MAPRE2: variants seen among roughly 807,000 people sequenced by gnomAD.
MAPRE2 encodes microtubule-associated protein RP/EB family member 2.
In MAPRE2, 13 loss-of-function variants were observed where a neutral mutation model predicts 43.2. The ratio of observed to expected loss-of-function variants is 0.30; its 90% CI spans 0.20 to 0.48. The LOEUF is 0.48. Ranked by LOEUF, MAPRE2 falls within the 20% of genes least tolerant of loss-of-function variation. The pLI is 0.99. For missense variants in MAPRE2, 161 were observed against 400.2 expected, an observed-to-expected ratio of 0.40 and a Z score of 5.10; for synonymous variants, 135 against 148.8, an observed-to-expected ratio of 0.91 and a Z score of 0.68.
chr18:35,126,454 T>C (rs552405679), intron 4 of MAPRE2, among the ~76,000 whole-genome samples: 1 of 152,338 alleles, frequency 6.6e-6, no homozygotes, highest in East Asian at 1.9e-4. Context: ...GCCACTGCTA[T>C]GGAGATGTCA....
chr18:35,097,621 T>C (rs771441093), intron 3 of MAPRE2, 30 bp downstream of exon 3: 1 of 1,583,848 alleles, frequency 6.3e-7, no homozygotes, highest in Admixed American at 1.8e-5. Flanking sequence ...ATAAAATGTG[T>C]TGTTTTTTCT....
At chr18:35,030,488 C>T (rs946034623) in intron 2 of MAPRE2, among the ~76,000 whole-genome samples, 3 of 152,206 alleles carry the variant, frequency 2.0e-5, no homozygotes, top group African/African-American at 7.2e-5. Context: ...TCTGCCACTT[C>T]CTGTCTGGTT....
In MAPRE2 at chr18:34,990,025, A is replaced by G. The variant is rs115382484; in HGVS notation, c.-70+12946A>G. 9.0e-3 allele frequency among the ~76,000 whole-genome samples: 1,374 copies of G among 152,228 alleles called. 26 individuals carry two copies. Among genetic ancestry groups the G allele is most frequent in the African/African-American group, 0.031 (1,306 of 41,510 alleles). ...TGAAGATTGCAATAAACTTTCATTC[A>G]TTTCCACATCCCCAGATTCTAGCAC... On this transcript the variant is annotated intron_variant, in intron 1 of 7. Transcript: ENST00000413393.
At chr18:35,076,506 T>C (rs151322998) in intron 2 of MAPRE2, among the ~76,000 whole-genome samples, 1 of 152,296 alleles carries the variant, frequency 6.6e-6, no homozygotes, top group Non-Finnish European at 1.5e-5. Flanking sequence ...TTAAGTCAGA[T>C]GGAGTGACAA....
chr18:34,980,039 T>TC (rs1322450116), intron 1 of MAPRE2, among the ~76,000 whole-genome samples: 7 of 34,888 alleles, frequency 2.0e-4, no homozygotes, highest in East Asian at 2.1e-3. Flanking sequence ...TTCTTTTTTT[T>TC]TTTTTTTTTT....
chr18:35,087,673 T>G (rs1269295507), intron 2 of MAPRE2, among the ~76,000 whole-genome samples: 1 of 152,176 alleles, frequency 6.6e-6, no homozygotes, highest in Non-Finnish European at 1.5e-5. Flanking sequence ...AACCCACTTA[T>G]GCCAGGTACT....
chr18:34,998,901 A>C (rs1603388408), intron 1 of MAPRE2, among the ~76,000 whole-genome samples: 1 of 149,672 alleles, frequency 6.7e-6, no homozygotes, highest in African/African-American at 2.5e-5. Context: ...GTAGCCCTTG[A>C]TACCCAATGT....
intron 3 of MAPRE2, among the ~76,000 whole-genome samples, chr18:35,098,283 A>T (rs1161855193): frequency 2.6e-5 from 4 of 152,200 alleles, no homozygotes; most frequent in Non-Finnish European, 5.9e-5. Context: ...TATATCTCTT[A>T]GCATGAATGA....
chr18:34,988,077 T>G (rs1376662959), intron 1 of MAPRE2, among the ~76,000 whole-genome samples: 4 of 152,120 alleles, frequency 2.6e-5, no homozygotes, highest in Non-Finnish European at 4.4e-5. Flanking sequence ...ATCTCTTTTG[T>G]TTTTCATTTT....
intron 1 of MAPRE2, among the ~76,000 whole-genome samples, chr18:35,051,762 CTCA>C (rs1249843983): frequency 1.3e-5 from 2 of 152,194 alleles, no homozygotes; most frequent in African/African-American, 2.4e-5. Flanking sequence ...CTCTCTAAGC[CTCA>C]TTTTCTTACC....
intron 1 of MAPRE2, among the ~76,000 whole-genome samples, chr18:34,979,285 T>C (rs1222885808): frequency 5.3e-5 from 8 of 152,156 alleles, no homozygotes; most frequent in African/African-American, 1.7e-4. Flanking sequence ...TGATGACTCA[T>C]GTGTAGCAGT....
intron 2 of MAPRE2, among the ~76,000 whole-genome samples, chr18:35,007,285 C>T (rs768923369): frequency 4.6e-5 from 7 of 152,144 alleles, no homozygotes; most frequent in Admixed American, 6.5e-5. Flanking sequence ...GCCTTTCACC[C>T]TCAAAACGTT....
chr18:35,133,159 C>T (rs1375841634), intron 6 of MAPRE2, among the ~76,000 whole-genome samples: 1 of 152,174 alleles, frequency 6.6e-6, no homozygotes, highest in East Asian at 1.9e-4. Context: ...AGCTGAATCC[C>T]AGGCAAATGT....
At chr18:35,041,386 G>A, upstream of MAPRE2, 4 of 1,487,408 alleles carry the variant, frequency 2.7e-6, no homozygotes, top group Non-Finnish European at 2.7e-6. Context: ...CGGGGCCGCA[G>A]GAGGGCGGGG....
intron 2 of MAPRE2, among the ~76,000 whole-genome samples, chr18:35,029,191 A>AT (rs758123097): frequency 2.6e-5 from 4 of 152,066 alleles, no homozygotes; most frequent in Admixed American, 6.6e-5. Context: ...TTCCAGTTGC[A>AT]TTTTTTTTCC....
At position 35,041,618 on chromosome 18, in the gene MAPRE2, A is replaced by G; in HGVS notation, c.79A>G (p.Ile27Val). 2 of 1,614,202 alleles carry G rather than the reference A, an allele frequency of 1.2e-6. No individual in the cohort carries two copies. The highest frequency in any genetic ancestry group is 1.7e-6 in the Non-Finnish European group (2 of 1,180,030). ...CATCCAGGATAATAACGGGACCATC[A>G]TTCCTTTCCGGAAGCACACAGTGCG... ...DIIQDNNGTI[I>V]PFRKHTVRGE... Residue 27 changes from isoleucine (I) to valine (V), a missense_variant, in exon 1 of 7, where the codon ATT becomes GTT. Transcript: ENST00000300249.
intron 4 of MAPRE2, among the ~76,000 whole-genome samples, chr18:35,104,732 T>C (rs1444287719): frequency 1.3e-5 from 2 of 152,254 alleles, no homozygotes; most frequent in African/African-American, 4.8e-5. Context: ...GGCCTTCAAC[T>C]TTTGTCAGCA....
chr18:34,978,160 C>A, intron 1 of MAPRE2: 1 of 337,072 alleles, frequency 3.0e-6, no homozygotes, highest in Non-Finnish European at 5.4e-6. Flanking sequence ...CACCAGCCAA[C>A]ACTGCTGTCC....
chr18:35,009,356 C>T (rs2097033320), intron 2 of MAPRE2, among the ~76,000 whole-genome samples: 1 of 152,084 alleles, frequency 6.6e-6, no homozygotes, highest in Non-Finnish European at 1.5e-5. Flanking sequence ...GTGACCAAGG[C>T]AGAGCTCTTA....
Sources: allele counts gnomAD v4.1 joint callset (sites outside exome capture counted in the v4.1 genomes callset), GRCh38; gene constraint gnomAD v4.1.1; transcripts MANE v1.5; gene names NCBI Gene and HGNC (gene_info 2026-07-23, HGNC 2026-07-21).